Variants in STK40 observed in about 807,000 individuals in gnomAD.
STK40 encodes the protein serine/threonine-protein kinase 40.
Under a neutral mutation model 47.9 loss-of-function variants are expected in STK40, and 13 were observed. The ratio of observed to expected loss-of-function variants is 0.27; its 90% CI spans 0.18 to 0.43. The LOEUF is 0.43. Among genes scored for constraint, STK40 ranks in the 20% least tolerant of loss-of-function variants. STK40 has a pLI of 1.00. For missense variants in STK40, 460 were observed against 595.1 expected, an observed-to-expected ratio of 0.77 and a Z score of 2.36; for synonymous variants, 225 against 243.2, an observed-to-expected ratio of 0.93 and a Z score of 0.69.
At chr1:36,378,316 T>C (rs1420454293) in intron 1 of STK40, among the ~76,000 whole-genome samples, 1 of 152,216 alleles carries the variant, frequency 6.6e-6, no homozygotes, top group Non-Finnish European at 1.5e-5. Flanking sequence ...ATCCCAGCTC[T>C]GCCCTTACTG....
Position 36,362,780 on chromosome 1 carries a change from T to C in STK40, c.-8-1440A>G, listed in dbSNP as rs1015568024. On this transcript the variant is annotated intron_variant, in intron 1 of 10. Transcript: ENST00000373132. ...TTTTTCCTGTGTGTGACTGTGTGTA[T>C]GCTTATATAAAGTTTTATTATTACA... 45 of 152,246 alleles carry C rather than the reference T, an allele frequency of 3.0e-4. 1 individual carries two copies. The highest frequency in any genetic ancestry group is 1.1e-3 in the African/African-American group (44 of 41,458). 9.4% of individuals were successfully genotyped at this position (152,246 alleles called of 1,614,324 possible). A position where few individuals can be genotyped will look rare whatever the true frequency, so the allele number is the denominator to read the frequency against.
At chr1:36,355,087 G>A (rs1260863611) in intron 5 of STK40, 119 bp downstream of exon 5, 5 of 1,032,172 alleles carry the variant, frequency 4.8e-6, no homozygotes, top group Non-Finnish European at 4.3e-6. Flanking sequence ...CTCTTCTTTT[G>A]GACACTCCCA....
At chr1:36,345,991 A>ATATATATATATTTTTTTTT in intron 7 of STK40, among the ~76,000 whole-genome samples, 29 of 26,454 alleles carry the variant, frequency 1.1e-3, no homozygotes, top group African/African-American at 3.9e-3. Flanking sequence ...ATATATATAT[A>ATATATATATATTTTTTTTT]TTTTTTTTTT....
chr1:36,364,156 A>G (rs181499148), intron 1 of STK40, among the ~76,000 whole-genome samples: 33 of 151,934 alleles, frequency 2.2e-4, no homozygotes, highest in Admixed American at 6.6e-4. Context: ...GTCTCAAAAG[A>G]AAAAACAACA....
chr1:36,347,657 CTTTTTTTT>C (rs563558488), intron 7 of STK40, among the ~76,000 whole-genome samples: 4 of 140,252 alleles, frequency 2.9e-5, no homozygotes, highest in Admixed American at 2.1e-4. Flanking sequence ...TTTTTTTTTT[CTTTTTTTT>C]TTTTTGAGAT....
chr1:36,354,108 G>A (rs1437096855), intron 6 of STK40, among the ~76,000 whole-genome samples: 1 of 152,108 alleles, frequency 6.6e-6, no homozygotes, highest in Non-Finnish European at 1.5e-5. Context: ...CCCACTAGGA[G>A]CCAGGTGTGA....
Position 36,339,717 on chromosome 1 carries a change from T to G in STK40, c.*2038A>C, listed in dbSNP as rs879040394. On this transcript the variant is annotated 3_prime_UTR_variant, in exon 11 of 11. Coordinates refer to ENST00000373132, the MANE Select transcript of STK40 (RefSeq NM_001282547.2). ...CTTTATACAAACTTTTTTGTGACTT[T>G]TTCCGTTTCTTTACAATAGGACTTC... 1 of 152,720 alleles carries G rather than the reference T, an allele frequency of 6.5e-6. No individual in the cohort carries two copies. The highest frequency in any genetic ancestry group is 1.5e-5 in the Non-Finnish European group (1 of 68,062). 9.5% of individuals were successfully genotyped at this position (152,720 alleles called of 1,614,324 possible).
intron 1 of STK40, among the ~76,000 whole-genome samples, chr1:36,377,110 A>G (rs1646998370): frequency 6.6e-6 from 1 of 152,130 alleles, no homozygotes; most frequent in Non-Finnish European, 1.5e-5. Context: ...CAATAGAACT[A>G]AGGGCCCAAG....
In STK40 at chr1:36,373,441, C is replaced by T. The variant is rs551188301; in HGVS notation, c.-8-12101G>A. Among the ~76,000 whole-genome samples the T allele has an allele frequency of 1.2e-4, 19 of 152,320 alleles. 1 individual carries two copies. In the East Asian group the frequency reaches 3.3e-3, roughly 26 times the overall value. ...TTATTGAAAAAGCAAAGCCTAAAGA[C>T]TGTGGCCCAGGTTGAGGCTCTGGTG... is the stretch of plus-strand genomic sequence containing the variant. On this transcript the variant is annotated intron_variant, in intron 1 of 10. Transcript: ENST00000373132.
At chr1:36,358,192 G>C in intron 4 of STK40, 47 bp downstream of exon 4, 1 of 1,501,736 alleles carries the variant, frequency 6.7e-7, no homozygotes, top group South Asian at 1.3e-5. Flanking sequence ...GCAGCCCACA[G>C]AGCCAGCCAG....
rs1472548605 is a variant in STK40 at position 36,375,782 on chromosome 1, AG to A, written c.-9+9940del. 5.1e-4 allele frequency among the ~76,000 whole-genome samples: 78 copies of A among 152,268 alleles called. 1 individual carries two copies. The highest frequency in any genetic ancestry group is 8.2e-4 in the Non-Finnish European group (56 of 68,008). On this transcript the variant is annotated intron_variant, in intron 1 of 10. Transcript: ENST00000373132. ...ACGCCTGTAATCCCAGCACTTTGGG[AG>A]GCTGAGGCGGGTGGATCACCTGAGG...
intron 7 of STK40, among the ~76,000 whole-genome samples, chr1:36,348,237 A>G (rs1479361026): frequency 2.6e-5 from 4 of 152,252 alleles, no homozygotes; most frequent in Non-Finnish European, 1.5e-5. Flanking sequence ...GGCCTATGTC[A>G]GGCCTTGCCT....
intron 10 of STK40, 92 bp from the exon 11 acceptor site, chr1:36,342,065 T>C: frequency 1.6e-6 from 2 of 1,235,610 alleles, no homozygotes; most frequent in Non-Finnish European, 2.3e-6. Context: ...GCTGGCAGCC[T>C]GGCTCCTGCA....
intron 10 of STK40, chr1:36,343,163 C>G (rs929634400): frequency 1.4e-6 from 1 of 713,754 alleles, no homozygotes; most frequent in East Asian, 2.7e-5. Flanking sequence ...CCAAAGATCT[C>G]CAGCTACACC....
chr1:36,352,743 C>A (rs1646770095), intron 6 of STK40, among the ~76,000 whole-genome samples: 1 of 152,222 alleles, frequency 6.6e-6, no homozygotes, highest in South Asian at 2.1e-4. Flanking sequence ...ACTGTCCCTC[C>A]ACATGTCCCT....
At chr1:36,373,588 C>G (rs1646967842) in intron 1 of STK40, among the ~76,000 whole-genome samples, 1 of 152,106 alleles carries the variant, frequency 6.6e-6, no homozygotes, top group Admixed American at 6.6e-5. Context: ...TTGCTTTGTG[C>G]TCAGGACAGA....
chr1:36,343,239 T>G (rs1297908915), intron 10 of STK40, 125 bp downstream of exon 10: 2 of 1,088,192 alleles, frequency 1.8e-6, no homozygotes, highest in African/African-American at 3.1e-5. Flanking sequence ...ACCCCAAGGC[T>G]GGGGAAGAAG....
At chr1:36,383,389 A>T (rs1217453180) in intron 1 of STK40, among the ~76,000 whole-genome samples, 1 of 152,248 alleles carries the variant, frequency 6.6e-6, no homozygotes, top group Non-Finnish European at 1.5e-5. Context: ...CTACAATCCC[A>T]GGAAGAGAGG....
chr1:36,356,504 C>G (rs1449763382), intron 4 of STK40, among the ~76,000 whole-genome samples: 1 of 148,146 alleles, frequency 6.8e-6, no homozygotes, highest in Non-Finnish European at 1.5e-5. Flanking sequence ...CGGCTCACTG[C>G]AAGCTCTGCC....
Sources: gnomAD v4.1 joint callset for allele counts (sites outside exome capture counted in the v4.1 genomes callset) on GRCh38, gnomAD v4.1.1 for gene constraint, MANE v1.5 for transcripts, NCBI Gene and HGNC (gene_info 2026-07-23, HGNC 2026-07-21) for gene names.